The following AWAT2 variants were observed in gnomAD, a reference collection of about 807,000 sequenced individuals.
AWAT2 encodes the protein 11-cis-RE-synthase.
AWAT2 carries 9 observed loss-of-function variants against 22.3 expected under a neutral mutation model. That is an observed-to-expected ratio of 0.40 (90% confidence interval 0.24 to 0.70). The LOEUF is 0.70. Among genes scored for constraint, AWAT2 ranks in the 30% least tolerant of loss-of-function variants. The pLI is 0.36. For synonymous variants in AWAT2, 100 were observed against 93.4 expected (o/e 1.07, Z -0.40); for missense variants, 217 against 265.9 (o/e 0.82, Z 1.28).
At chrX:70,046,138 C>A (rs1411948465) in intron 1 of AWAT2, among the ~76,000 whole-genome samples, 1 of 111,713 alleles carries the variant, frequency 9.0e-6, no homozygotes, top group East Asian at 2.8e-4. Flanking sequence ...TTTGCCCGTA[C>A]TGAGAGATTG....
At chrX:70,048,308 C>T (rs1215788387) in intron 1 of AWAT2, among the ~76,000 whole-genome samples, 1 of 111,392 alleles carries the variant, frequency 9.0e-6, no homozygotes, top group Non-Finnish European at 1.9e-5. Context: ...TTTACAAAGC[C>T]CTACACAATC....
In AWAT2 at chrX:70,043,773, C is replaced by G; in HGVS notation, c.268-91G>C. ...TCTGAAAGGAAAAGGACTGCTAGGT[C>G]TAGCCATGCAGGTTGCCCAATGTGC... On this transcript the variant is annotated intron_variant, in intron 3 of 7. Coordinates refer to ENST00000276101, the MANE Select transcript of AWAT2 (RefSeq NM_001002254.1). The G allele has an allele frequency of 3.0e-6, 3 of 1,016,438 alleles. No homozygotes were observed. The South Asian group carries it at 6.7e-5, about 23-fold the overall frequency. 83.8% of individuals were successfully genotyped at this position (1,016,438 alleles called of 1,213,427 possible). A position where few individuals can be genotyped will look rare whatever the true frequency, so the allele number is the denominator to read the frequency against.
At chrX:70,041,701 G>A (rs2020329115) in intron 7 of AWAT2, 72 bp downstream of exon 7, 1 of 837,134 alleles carries the variant, frequency 1.2e-6, no homozygotes, top group Non-Finnish European at 1.7e-6. Flanking sequence ...CCATAAGGAG[G>A]ACTGGTCAAA....
At position 70,043,916 on chromosome X, in the gene AWAT2, G is replaced by T; in HGVS notation, c.267+10C>A. 8.3e-7 allele frequency: 1 copy of T among 1,200,061 alleles called. No individual in the cohort carries two copies. The highest frequency in any genetic ancestry group is 1.8e-5 in the South Asian group (1 of 54,964). ...GACCTGGGCCTGAGTGGGGACCTGG[G>T]GCTACTGACCTTGAGAGGGAAATAA... On this transcript the variant is annotated intron_variant, in intron 3 of 7. Transcript: ENST00000276101.
At chrX:70,048,762 T>C (rs1405744663) in intron 1 of AWAT2, among the ~76,000 whole-genome samples, 1 of 111,894 alleles carries the variant, frequency 8.9e-6, no homozygotes, top group Non-Finnish European at 1.9e-5. Flanking sequence ...CTCCATTCAC[T>C]TTCCCTCCCA....
At chrX:70,042,102 T>C in intron 6 of AWAT2, 85 bp downstream of exon 6, 1 of 1,107,040 alleles carries the variant, frequency 9.0e-7, no homozygotes, top group Non-Finnish European at 1.2e-6. Flanking sequence ...CCTCCCTGCC[T>C]CTGAGCAGAG....
Position 70,044,015 on chromosome X carries a change from C to A in AWAT2, c.197-19G>T. The A allele has an allele frequency of 8.5e-7, 1 of 1,178,166 alleles. No homozygotes were observed. On this transcript the variant is annotated intron_variant, in intron 2 of 7. Coordinates refer to ENST00000276101, the MANE Select transcript of AWAT2 (RefSeq NM_001002254.1). Reference sequence around the variant, plus strand: ...CGGCCGCCTGAAAACAGAGGCAATGCAGCCAAGCTTTGTCCATTCCCACTG... The same window carrying A: ...CGGCCGCCTGAAAACAGAGGCAATGAAGCCAAGCTTTGTCCATTCCCACTG...
chrX:70,041,681 C>T (rs748441194), intron 7 of AWAT2, 59 bp from the exon 8 acceptor site: 2 of 661,529 alleles, frequency 3.0e-6, no homozygotes, highest in Admixed American at 8.0e-5. Context: ...AATGAACAAA[C>T]AGCCCCTCCC....
intron 7 of AWAT2, 65 bp downstream of exon 7, chrX:70,041,707 TC>T (rs2020329187): frequency 1.1e-6 from 1 of 910,213 alleles, no homozygotes; most frequent in Non-Finnish European, 1.5e-6. Flanking sequence ...GGAGGACTGG[TC>T]AAATCAGGAG....
At position 70,043,665 on chromosome X, in the gene AWAT2, G is replaced by A. The variant is rs1354714270; in HGVS notation, c.285C>T (p.Asp95=). Residue 95 remains aspartate (D), a synonymous_variant, in exon 4 of 8, where the codon GAC becomes GAT. Transcript: ENST00000276101. ...GGATGTAGTTGCGGCTGGGGCAGAT[G>A]TCATGAGTCTTCAGAAGCTGCGGAA... ...YFPLKLLKTH[D]ICPSRNYILV... 2 of 1,207,101 alleles carry A rather than the reference G, an allele frequency of 1.7e-6. No homozygotes were observed. Among genetic ancestry groups the A allele is most frequent in the Admixed American group, 4.4e-5 (2 of 45,788 alleles).
chrX:70,041,672 A>G, intron 7 of AWAT2, 50 bp from the exon 8 acceptor site: 1 of 619,338 alleles, frequency 1.6e-6, no homozygotes, highest in Admixed American at 4.1e-5. Context: ...AAACAAGCAA[A>G]TGAACAAACA....
rs917576060 is a variant in AWAT2 at position 70,040,787 on chromosome X, A to G, written c.*871T>C. 8 of 112,163 alleles carry G rather than the reference A, an allele frequency of 7.1e-5. No homozygotes were observed. The highest frequency in any genetic ancestry group is 2.6e-4 in the African/African-American group (8 of 30,803). The allele number at this position is 112,163 out of a possible 1,213,427, so 9.2% of individuals were successfully genotyped here. ...AATGGCACCCACCCAAGAGGGATGG[A>G]ATGAGAGGGATGTGAGCCAAATTTT... On this transcript the variant is annotated 3_prime_UTR_variant, in exon 8 of 8. Transcript: ENST00000276101.
chrX:70,041,765 A>G lies in AWAT2; in HGVS notation c.*35+8T>C, dbSNP rs767707063. The G allele has an allele frequency of 1.7e-6, 2 of 1,196,719 alleles. No homozygotes were observed. The highest frequency in any genetic ancestry group is 3.7e-5 in the South Asian group (2 of 54,433). On this transcript the variant is annotated splice_region_variant and intron_variant, in intron 7 of 7. Transcript: ENST00000276101. ...TTGTCCTCCTGTTCTCACTGGGTCC[A>G]TCCATACCTTCCAGCCAGGGTGAAG... is the stretch of plus-strand genomic sequence containing the variant.
intron 5 of AWAT2, 123 bp from the exon 6 acceptor site, chrX:70,042,509 T>A (rs1281590988): frequency 1.4e-6 from 1 of 694,267 alleles, no homozygotes; most frequent in South Asian, 2.3e-5. Context: ...AGTCCAGCTG[T>A]GCCTAGGTCC....
In AWAT2 at chrX:70,043,253, A is replaced by G. The variant is rs2020342129; in HGVS notation, c.473-10T>C. Reference sequence around the variant, plus strand: ...CTCACAGAGCAGGCCCCTGGTGGATAGAAAAAGCCAAACAGCCACTGGTCA... The same window carrying G: ...CTCACAGAGCAGGCCCCTGGTGGATGGAAAAAGCCAAACAGCCACTGGTCA... On this transcript the variant is annotated splice_polypyrimidine_tract_variant and intron_variant, in intron 4 of 7. Coordinates refer to ENST00000276101, the MANE Select transcript of AWAT2 (RefSeq NM_001002254.1). 3.3e-6 allele frequency: 4 copies of G among 1,195,990 alleles called. No individual in the cohort carries two copies. Among genetic ancestry groups the G allele is most frequent in the Middle Eastern group, 2.3e-4 (1 of 4,320 alleles).
rs763664714 is a variant in AWAT2 at position 70,041,312 on chromosome X, A to C, written c.*346T>G. 4 of 112,764 alleles carry C rather than the reference A, an allele frequency of 3.5e-5. No individual in the cohort carries two copies. The highest frequency in any genetic ancestry group is 9.7e-5 in the African/African-American group (3 of 30,817). The allele number at this position is 112,764 out of a possible 1,213,427, so 9.3% of individuals were successfully genotyped here. On this transcript the variant is annotated 3_prime_UTR_variant, in exon 8 of 8. Coordinates refer to ENST00000276101, the MANE Select transcript of AWAT2 (RefSeq NM_001002254.1). ...ACATGGCTTGAAGTTGGTGGAGCTT[A>C]AACTCAAAGCCCACTGGCTCTCAAG...
chrX:70,046,537 T>C (rs1209417614), intron 1 of AWAT2, among the ~76,000 whole-genome samples: 2 of 110,223 alleles, frequency 1.8e-5, no homozygotes, highest in Non-Finnish European at 3.8e-5. Context: ...CCCCAGTAGC[T>C]AGGATTACAG....
At chrX:70,046,909 C>G (rs1174992454) in intron 1 of AWAT2, among the ~76,000 whole-genome samples, 2 of 110,887 alleles carry the variant, frequency 1.8e-5, no homozygotes, top group Non-Finnish European at 3.8e-5. Context: ...TATTTTTAAT[C>G]CTTATGTTAA....
intron 1 of AWAT2, among the ~76,000 whole-genome samples, chrX:70,045,553 T>C (rs1402587995): frequency 9.0e-6 from 1 of 111,065 alleles, no homozygotes; most frequent in Non-Finnish European, 1.9e-5. Context: ...GAACCCCAGG[T>C]TCCCTCTCCT....
Sources: gnomAD v4.1 joint callset for allele counts (sites outside exome capture counted in the v4.1 genomes callset) on GRCh38, gnomAD v4.1.1 for gene constraint, MANE v1.5 for transcripts, NCBI Gene and HGNC (gene_info 2026-07-23, HGNC 2026-07-21) for gene names.